Variants in CSMD1 observed in about 807,000 individuals in gnomAD.
CSMD1 encodes CUB and sushi domain-containing protein 1.
In CSMD1, 213 loss-of-function variants were observed where a neutral mutation model predicts 417.5. The observed-to-expected ratio is 0.51, with a 90% CI of 0.46 to 0.57. The LOEUF is 0.57. CSMD1 is among the 20% of genes least tolerant of loss of function. CSMD1 has a pLI of 0.00. For missense variants in CSMD1, 6,923 were observed against 4,529.7 expected, an observed-to-expected ratio of 1.53 and a Z score of -15.17; for synonymous variants, 2,862 against 1,736.8, an observed-to-expected ratio of 1.65 and a Z score of -16.11.
chr8:4,926,484 T>C (rs914283307), intron 1 of CSMD1, among the ~76,000 whole-genome samples: 5 of 152,242 alleles, frequency 3.3e-5, no homozygotes, highest in Admixed American at 1.3e-4. Flanking sequence ...AACGGTGTAA[T>C]TTTTCTATGT....
chr8:3,651,676 C>T (rs1038423600), intron 7 of CSMD1, among the ~76,000 whole-genome samples: 1 of 152,052 alleles, frequency 6.6e-6, no homozygotes, highest in Non-Finnish European at 1.5e-5. Context: ...CTTACTATCA[C>T]TGTACTTAAC....
intron 2 of CSMD1, among the ~76,000 whole-genome samples, chr8:4,512,698 C>A (rs911622252): frequency 6.6e-6 from 1 of 151,590 alleles, no homozygotes; most frequent in African/African-American, 2.4e-5. Flanking sequence ...TTAGCATACC[C>A]CAAAATGAAA....
At chr8:4,093,086 A>G (rs2130853321) in intron 3 of CSMD1, among the ~76,000 whole-genome samples, 1 of 152,318 alleles carries the variant, frequency 6.6e-6, no homozygotes. Flanking sequence ...TATTTTAACC[A>G]CATAATTAAC....
intron 3 of CSMD1, among the ~76,000 whole-genome samples, chr8:4,045,428 T>G (rs186733556): frequency 6.6e-6 from 1 of 152,194 alleles, no homozygotes; most frequent in East Asian, 1.9e-4. Context: ...GCCACAGCAG[T>G]AGAAATGACT....
chr8:4,834,911 G>C (rs377753076), intron 1 of CSMD1, among the ~76,000 whole-genome samples: 11 of 123,278 alleles, frequency 8.9e-5, no homozygotes, highest in Admixed American at 2.2e-4. Context: ...GATCTGAGAT[G>C]GCGCCACTGC....
At chr8:3,516,683 T>G (rs570122713) in intron 10 of CSMD1, among the ~76,000 whole-genome samples, 46 of 152,268 alleles carry the variant, frequency 3.0e-4, no homozygotes, top group Non-Finnish European at 6.2e-4. Context: ...CAGGTGGTAT[T>G]TGGTTACATG....
chr8:3,101,446 G>T (rs192722379), intron 46 of CSMD1, among the ~76,000 whole-genome samples: 3 of 152,024 alleles, frequency 2.0e-5, no homozygotes, highest in African/African-American at 7.2e-5. Flanking sequence ...TTTTTGAGAC[G>T]GAGTCTCGCT....
intron 5 of CSMD1, among the ~76,000 whole-genome samples, chr8:3,835,696 A>G (rs1338142269): frequency 6.8e-6 from 1 of 147,586 alleles, no homozygotes; most frequent in East Asian, 2.0e-4. Context: ...ATGTACCCTG[A>G]AACTTAAAGT....
chr8:3,166,141 T>G (rs1381671265), intron 37 of CSMD1, among the ~76,000 whole-genome samples: 1 of 152,166 alleles, frequency 6.6e-6, no homozygotes, highest in Non-Finnish European at 1.5e-5. Flanking sequence ...AGTCTATACA[T>G]GTATACATAA....
intron 4 of CSMD1, among the ~76,000 whole-genome samples, chr8:4,018,235 C>A (rs1328110207): frequency 2.0e-5 from 3 of 151,936 alleles, no homozygotes; most frequent in Non-Finnish European, 4.4e-5. Context: ...AGGATTCTGA[C>A]TTTTTATGAT....
At chr8:4,574,884 T>C (rs1201000893) in intron 2 of CSMD1, among the ~76,000 whole-genome samples, 4 of 152,226 alleles carry the variant, frequency 2.6e-5, no homozygotes, top group African/African-American at 9.6e-5. Flanking sequence ...AAATAGACTT[T>C]CTTTGTGAAA....
At chr8:4,956,939 A>G (rs887250681) in intron 1 of CSMD1, among the ~76,000 whole-genome samples, 3 of 152,166 alleles carry the variant, frequency 2.0e-5, no homozygotes, top group Non-Finnish European at 4.4e-5. Flanking sequence ...ACTGGACACA[A>G]GGGAGGAAAG....
intron 6 of CSMD1, among the ~76,000 whole-genome samples, chr8:3,723,437 T>C (rs372328087): frequency 6.6e-5 from 10 of 152,310 alleles, no homozygotes; most frequent in African/African-American, 2.2e-4. Context: ...GGGTGCATTA[T>C]CCAAGAGCAT....
At chr8:4,354,772 C>CT in intron 3 of CSMD1, among the ~76,000 whole-genome samples, 1 of 152,026 alleles carries the variant, frequency 6.6e-6, no homozygotes, top group South Asian at 2.1e-4. Context: ...GATTTCCCCC[C>CT]TCCCAGAAAA....
At chr8:4,102,533 G>T (rs1159332861) in intron 3 of CSMD1, among the ~76,000 whole-genome samples, 2 of 152,210 alleles carry the variant, frequency 1.3e-5, no homozygotes, top group Middle Eastern at 3.4e-3. Context: ...GAGGCTTATG[G>T]TCACTGAAAT....
chr8:4,300,135 C>G (rs763146103), intron 3 of CSMD1, among the ~76,000 whole-genome samples: 15 of 152,152 alleles, frequency 9.9e-5, no homozygotes, highest in Non-Finnish European at 1.8e-4. Context: ...GTGCTTTTGA[C>G]TGCATAGTTA....
At chr8:3,676,004 G>A (rs898206002) in intron 7 of CSMD1, among the ~76,000 whole-genome samples, 1 of 152,162 alleles carries the variant, frequency 6.6e-6, no homozygotes, top group East Asian at 1.9e-4. Context: ...ATAGTTTACT[G>A]GTTTGGCCTT....
chr8:4,144,532 C>T lies in CSMD1; in HGVS notation c.416-112433G>A, dbSNP rs144421595. Among the ~76,000 whole-genome samples the T allele has an allele frequency of 3.4e-3, 516 of 151,134 alleles. 5 individuals are homozygous for T. Among genetic ancestry groups the T allele is most frequent in the Non-Finnish European group, 4.8e-3 (329 of 68,024 alleles). On this transcript the variant is annotated intron_variant, in intron 3 of 69. Coordinates refer to ENST00000635120, the MANE Select transcript of CSMD1 (RefSeq NM_033225.6). ...AAATGCTTCACCTCATTACCCCTTC[C>T]CTCCAGAATCTGGTTAGAGTCTCCT...
intron 1 of CSMD1, among the ~76,000 whole-genome samples, chr8:4,647,415 T>C (rs1373068898): frequency 6.7e-6 from 1 of 148,314 alleles, no homozygotes; most frequent in African/African-American, 2.6e-5. Flanking sequence ...TAGGTACGCG[T>C]GTGCCACGGC....
Sources: gnomAD v4.1 joint callset for allele counts (sites outside exome capture counted in the v4.1 genomes callset) on GRCh38, gnomAD v4.1.1 for gene constraint, MANE v1.5 for transcripts, NCBI Gene and HGNC (gene_info 2026-07-23, HGNC 2026-07-21) for gene names.